AMMECR1: variants seen among roughly 807,000 people sequenced by gnomAD.
AMMECR1 encodes AMMECR nuclear protein 1.
A neutral mutation model predicts 22.5 loss-of-function variants in AMMECR1; 3 were observed. That is an observed-to-expected ratio of 0.13 (90% confidence interval 0.06 to 0.35). The LOEUF (loss-of-function observed/expected upper bound fraction) is 0.35, where lower values mean the gene tolerates loss of function less well. Ranked by LOEUF, AMMECR1 falls within the 10% of genes least tolerant of loss-of-function variation. AMMECR1 has a pLI of 1.00. For synonymous variants in AMMECR1, 130 were observed against 116.7 expected, an observed-to-expected ratio of 1.11 and a Z score of -0.74; for missense variants, 235 against 278.7, an observed-to-expected ratio of 0.84 and a Z score of 1.12.
At chrX:110,215,245 T>G (rs1391436235) in intron 3 of AMMECR1, among the ~76,000 whole-genome samples, 3 of 112,092 alleles carry the variant, frequency 2.7e-5, no homozygotes, top group Non-Finnish European at 5.6e-5. Flanking sequence ...GAGGGGACTC[T>G]AGCATTGTAC....
At chrX:110,232,357 G>A (rs953951367) in intron 2 of AMMECR1, among the ~76,000 whole-genome samples, 3 of 112,181 alleles carry the variant, frequency 2.7e-5, no homozygotes, top group Non-Finnish European at 5.6e-5. Context: ...TCAGGATTAA[G>A]AAACTCACTC....
At chrX:110,303,378 G>C (rs936989354) in intron 1 of AMMECR1, among the ~76,000 whole-genome samples, 1 of 111,981 alleles carries the variant, frequency 8.9e-6, no homozygotes, top group Non-Finnish European at 1.9e-5. Flanking sequence ...GATGCACGTT[G>C]TTTGAAGTCT....
upstream of AMMECR1, among the ~76,000 whole-genome samples, chrX:110,321,887 A>G (rs1387619193): frequency 1.8e-5 from 2 of 112,486 alleles, no homozygotes; most frequent in African/African-American, 6.5e-5. Flanking sequence ...CGTATAACAC[A>G]TGGTTGTTGT....
intron 2 of AMMECR1, among the ~76,000 whole-genome samples, chrX:110,409,824 G>A (rs772806436): frequency 9.0e-6 from 1 of 111,481 alleles, no homozygotes; most frequent in Non-Finnish European, 1.9e-5. Flanking sequence ...ACCTCACTTA[G>A]AGATATGGTA....
chrX:110,284,125 CAAAAAT>C (rs1000765362), intron 1 of AMMECR1, among the ~76,000 whole-genome samples: 12 of 108,870 alleles, frequency 1.1e-4, no homozygotes, highest in South Asian at 7.9e-4. Flanking sequence ...GACTCTGTCT[CAAAAAT>C]AAAAATAAAA....
chrX:110,344,228 A>G (rs186814205), intron 2 of AMMECR1, among the ~76,000 whole-genome samples: 1 of 112,360 alleles, frequency 8.9e-6, no homozygotes, highest in Non-Finnish European at 1.9e-5. Context: ...AACCTGACAA[A>G]AACAAGAAAT....
chrX:110,207,571 T>C (rs1355188952), intron 3 of AMMECR1, among the ~76,000 whole-genome samples: 1 of 110,784 alleles, frequency 9.0e-6, no homozygotes, highest in Non-Finnish European at 1.9e-5. Flanking sequence ...TGACATATTA[T>C]CTCGATCTGC....
At chrX:110,366,181 G>A (rs2068296048) in intron 2 of AMMECR1, among the ~76,000 whole-genome samples, 1 of 111,734 alleles carries the variant, frequency 8.9e-6, no homozygotes, top group Admixed American at 9.5e-5. Flanking sequence ...TGATTCCTAA[G>A]CTAGCATTTC....
At chrX:110,327,298 T>C (rs2148232339) in intron 2 of AMMECR1, among the ~76,000 whole-genome samples, 1 of 111,573 alleles carries the variant, frequency 9.0e-6, no homozygotes, top group African/African-American at 3.3e-5. Context: ...GGTTGCACAA[T>C]ATTGGGATGA....
rs546994082 is a variant in AMMECR1, at chrX:110,403,134, T to C, written c.-148+23524A>G. ...GAGAGAGGGAGTTGAGAGGCCAGGCTTTCCCTGCCCCTGTTCTTCACAGAA... is the reference window on the plus strand; with the variant it reads ...GAGAGAGGGAGTTGAGAGGCCAGGCCTTCCCTGCCCCTGTTCTTCACAGAA... On this transcript the variant is annotated intron_variant, in intron 2 of 7. Transcript: ENST00000372057. Among the ~76,000 whole-genome samples, 6 of 111,396 alleles carry C rather than the reference T, an allele frequency of 5.4e-5. No individual in the cohort carries two copies. In the South Asian group the frequency reaches 2.3e-3, roughly 43 times the overall value.
At chrX:110,369,311 G>A (rs534148521) in intron 2 of AMMECR1, among the ~76,000 whole-genome samples, 2 of 111,249 alleles carry the variant, frequency 1.8e-5, no homozygotes, top group African/African-American at 3.3e-5. Flanking sequence ...CAGCCTGGGC[G>A]ACAGAGCAAG....
At chrX:110,411,262 C>T (rs1336229016) in intron 2 of AMMECR1, among the ~76,000 whole-genome samples, 1 of 111,810 alleles carries the variant, frequency 8.9e-6, no homozygotes, top group Non-Finnish European at 1.9e-5. Flanking sequence ...AGTCAGTAGC[C>T]TCAAGATCTG....
intron 2 of AMMECR1, among the ~76,000 whole-genome samples, chrX:110,235,578 G>A (rs752378598): frequency 1.0e-3 from 116 of 112,452 alleles, no homozygotes; most frequent in African/African-American, 3.6e-3. Context: ...GTCCATCACT[G>A]ATAGACTGGA....
chrX:110,343,371 C>A (rs1410265222), intron 2 of AMMECR1, among the ~76,000 whole-genome samples: 1 of 111,319 alleles, frequency 9.0e-6, no homozygotes, highest in African/African-American at 3.3e-5. Context: ...TTATGACAAA[C>A]CCACAGCCAA....
Position 110,248,394 on chromosome X carries a change from A to AG in AMMECR1, c.584+16094dup, listed in dbSNP as rs1158146253. Among the ~76,000 whole-genome samples, 4 of 100,415 alleles carry AG rather than the reference A, an allele frequency of 4.0e-5. No homozygotes were observed. In the East Asian group the frequency reaches 1.1e-3, roughly 29 times the overall value. 87.2% of individuals were successfully genotyped at this position (100,415 alleles called of 115,157 possible). A position where few individuals can be genotyped will look rare whatever the true frequency, so the allele number is the denominator to read the frequency against. On this transcript the variant is annotated intron_variant, in intron 2 of 5. Coordinates refer to ENST00000262844, the MANE Select transcript of AMMECR1 (RefSeq NM_015365.3). ...GAGCGAGATCCTGTCTCAAAAAAAAAGAAAAGAAAAGAAAAGAAAAGAAAA... is the reference window on the plus strand; with the variant it reads ...GAGCGAGATCCTGTCTCAAAAAAAAAGGAAAAGAAAAGAAAAGAAAAGAAAA...
chrX:110,223,499 T>C (rs369351581), intron 2 of AMMECR1, among the ~76,000 whole-genome samples: 8 of 112,193 alleles, frequency 7.1e-5, no homozygotes, highest in Non-Finnish European at 1.5e-4. Context: ...ATATGACCAC[T>C]GACAATTATA....
chrX:110,200,133 C>G (rs1490854431), intron 5 of AMMECR1, among the ~76,000 whole-genome samples: 2 of 111,965 alleles, frequency 1.8e-5, no homozygotes, highest in African/African-American at 6.5e-5. Context: ...AATATTCTAT[C>G]CATTCTTCAA....
chrX:110,311,471 AC>A (rs2068022984), intron 1 of AMMECR1, among the ~76,000 whole-genome samples: 1 of 111,854 alleles, frequency 8.9e-6, no homozygotes, highest in Admixed American at 9.5e-5. Flanking sequence ...CTGGTTTCCA[AC>A]CATGAAACTC....
chrX:110,313,700 AG>A (rs771784073), intron 1 of AMMECR1, among the ~76,000 whole-genome samples: 1 of 111,506 alleles, frequency 9.0e-6, no homozygotes, highest in South Asian at 3.8e-4. Context: ...TTTCTGAAAA[AG>A]GACCTAAAAT....
Sources: gnomAD v4.1 joint callset for allele counts (sites outside exome capture counted in the v4.1 genomes callset) on GRCh38, gnomAD v4.1.1 for gene constraint, MANE v1.5 for transcripts, NCBI Gene and HGNC (gene_info 2026-07-23, HGNC 2026-07-21) for gene names.